The following CELF2 variants were observed in gnomAD, a reference collection of about 807,000 sequenced individuals.
CELF2 encodes CUGBP Elav-like family member 2.
CELF2 carries 8 observed loss-of-function variants against 62.6 expected under a neutral mutation model. That is an observed-to-expected ratio of 0.13 (90% confidence interval 0.07 to 0.23). The LOEUF (loss-of-function observed/expected upper bound fraction) is 0.23, where lower values mean the gene tolerates loss of function less well. Ranked by LOEUF, CELF2 falls within the 10% of genes least tolerant of loss-of-function variation. CELF2 has a pLI of 1.00. For synonymous variants in CELF2, 258 were observed against 250.0 expected (o/e 1.03, Z -0.30); for missense variants, 333 against 671.0 (o/e 0.50, Z 5.56).
chr10:11,321,418 C>T lies in CELF2; in HGVS notation c.1294+32C>T, dbSNP rs764474018. ...GCCGCCCTTGGCCCCAGGCAGGGCC[C>T]AGCCCAACAGGCAGCACTGGCCTCT... is the stretch of plus-strand genomic sequence containing the variant. On this transcript the variant is annotated intron_variant, in intron 11 of 12. Transcript: ENST00000633077. This position sits in a 1 kb window ranked among gnomAD's most constrained non-coding sequence, Gnocchi z 6.2. The T allele has an allele frequency of 3.2e-6, 5 of 1,577,496 alleles. No homozygotes were observed. The East Asian group carries it at 9.0e-5, about 28-fold the overall frequency.
chr10:10,479,155 T>C, the CELF2 span, among the ~76,000 whole-genome samples: 4 of 152,044 alleles, frequency 2.6e-5, no homozygotes, highest in Non-Finnish European at 5.9e-5. Context: ...TTAGAGATGG[T>C]TCATCTAAAC....
At chr10:10,732,100 G>A in the CELF2 span, among the ~76,000 whole-genome samples, 2 of 152,070 alleles carry the variant, frequency 1.3e-5, no homozygotes, top group African/African-American at 4.8e-5. Context: ...AGCTTCCCCA[G>A]TCCCCAGCCA....
the CELF2 span, among the ~76,000 whole-genome samples, chr10:10,743,953 T>C: frequency 6.6e-6 from 1 of 152,210 alleles, no homozygotes; most frequent in African/African-American, 2.4e-5. Flanking sequence ...CTGGATATGG[T>C]ATATAAATGT....
At chr10:11,292,621 C>T (rs1306206964) in intron 9 of CELF2, among the ~76,000 whole-genome samples, 1 of 152,206 alleles carries the variant, frequency 6.6e-6, no homozygotes, top group East Asian at 1.9e-4. Flanking sequence ...ATGCACGAGG[C>T]AGTATCACCA....
chr10:11,322,416 ATCACTGG>A (rs1467500791), intron 11 of CELF2, among the ~76,000 whole-genome samples: 1 of 152,240 alleles, frequency 6.6e-6, no homozygotes, highest in Admixed American at 6.5e-5. Context: ...CCAAATAAGG[ATCACTGG>A]TCATTCTTCC....
chr10:11,120,861 A>C (rs904767699), intron 1 of CELF2, among the ~76,000 whole-genome samples: 2 of 152,034 alleles, frequency 1.3e-5, no homozygotes, highest in African/African-American at 4.8e-5. Context: ...GGCTCTTACA[A>C]ATACTTTGTG....
chr10:10,708,298 A>G, the CELF2 span, among the ~76,000 whole-genome samples: 3 of 152,334 alleles, frequency 2.0e-5, no homozygotes, highest in Admixed American at 1.3e-4. Flanking sequence ...CTGGCTTTAC[A>G]GAAGAGGAAA....
Position 11,311,200 on chromosome 10 carries a change from C to T in CELF2, c.977-2939C>T, listed in dbSNP as rs1289660940. On this transcript the variant is annotated intron_variant, in intron 9 of 12. Transcript: ENST00000633077. This position sits in a 1 kb window ranked among gnomAD's most constrained non-coding sequence, Gnocchi z 4.7. Reference sequence around the variant, plus strand: ...CTCAAAACATAGTGCTGGGTAGGGCCAGGGGAATTTCCCTCTGAGAATTCA... The same window carrying T: ...CTCAAAACATAGTGCTGGGTAGGGCTAGGGGAATTTCCCTCTGAGAATTCA... 6.6e-6 allele frequency among the ~76,000 whole-genome samples: 1 copy of T among 152,156 alleles called. No homozygotes were observed. Among genetic ancestry groups the T allele is most frequent in the Non-Finnish European group, 1.5e-5 (1 of 68,038 alleles).
intron 2 of CELF2, among the ~76,000 whole-genome samples, chr10:10,939,756 C>T (rs1325230395): frequency 6.6e-6 from 1 of 151,872 alleles, no homozygotes; most frequent in East Asian, 2.0e-4. Flanking sequence ...AGATCGAGAC[C>T]ATCCTGGCTA....
chr10:11,170,920 T>C lies in CELF2; in HGVS notation c.271+5238T>C, dbSNP rs567593793. Among the ~76,000 whole-genome samples, 29 of 152,288 alleles carry C rather than the reference T, an allele frequency of 1.9e-4. No individual in the cohort carries two copies. In the South Asian group the frequency reaches 6.0e-3, roughly 32 times the overall value. On this transcript the variant is annotated intron_variant, in intron 2 of 12. Transcript: ENST00000633077. ...TCTAAACTTAAATGGTTAGGTACTG[T>C]CATTCTGATTTTATGGAAGTGAAAA... is the stretch of plus-strand genomic sequence containing the variant.
At chr10:10,491,297 G>A in the CELF2 span, among the ~76,000 whole-genome samples, 1 of 152,296 alleles carries the variant, frequency 6.6e-6, no homozygotes, top group South Asian at 2.1e-4. Flanking sequence ...AATAGATGCA[G>A]AATTGTCTTG....
At chr10:11,074,891 A>G (rs2071387118) in intron 1 of CELF2, 1 of 152,206 alleles carries the variant, frequency 6.6e-6, no homozygotes, top group African/African-American at 2.4e-5. Context: ...TATCTAAAGC[A>G]AATGAATTTG....
At chr10:10,759,290 A>ATTTTTCTTTTTT in the CELF2 span, among the ~76,000 whole-genome samples, 3 of 108,402 alleles carry the variant, frequency 2.8e-5, no homozygotes, top group African/African-American at 3.3e-5. Flanking sequence ...CTCAGTGCCC[A>ATTTTTCTTTTTT]TTTTTCTTTT....
At chr10:11,004,816 C>CA (rs1454871797), upstream of CELF2, among the ~76,000 whole-genome samples, 1 of 152,102 alleles carries the variant, frequency 6.6e-6, no homozygotes, top group Non-Finnish European at 1.5e-5. This position sits in a 1 kb window ranked among gnomAD's most constrained non-coding sequence, Gnocchi z 5.0. Flanking sequence ...TTCCTGAGGA[C>CA]AAGACAAGAG....
chr10:10,479,405 G>C, the CELF2 span, among the ~76,000 whole-genome samples: 1 of 152,134 alleles, frequency 6.6e-6, no homozygotes, highest in East Asian at 1.9e-4. Context: ...CTGACCTCGT[G>C]ATCCACCTAC....
chr10:11,163,628 T>G (rs1331068961), intron 1 of CELF2, among the ~76,000 whole-genome samples: 3 of 152,238 alleles, frequency 2.0e-5, no homozygotes, highest in Non-Finnish European at 2.9e-5. Flanking sequence ...AGCAGAACAT[T>G]TTTTATAACA....
rs536622761 is a variant in CELF2 at position 11,038,646 on chromosome 10, A to G, written c.74+20483A>G. Among the ~76,000 whole-genome samples the G allele has an allele frequency of 9.2e-5, 14 of 152,344 alleles. No homozygotes were observed. In the East Asian group the frequency reaches 1.9e-3, roughly 21 times the overall value. ...AATGAATTCTAGAAGGAAAATTTGA[A>G]TATCCATTTCAGCACTGATTTCATA... On this transcript the variant is annotated intron_variant, in intron 1 of 12. Transcript: ENST00000633077.
At chr10:11,134,295 G>A (rs145300543) in intron 1 of CELF2, among the ~76,000 whole-genome samples, 49 of 152,312 alleles carry the variant, frequency 3.2e-4, no homozygotes, top group Admixed American at 2.7e-3. Context: ...TGAATCTAAC[G>A]TTACTACTTA....
chr10:11,031,411 A>G (rs2060094133), intron 1 of CELF2, among the ~76,000 whole-genome samples: 1 of 152,194 alleles, frequency 6.6e-6, no homozygotes, highest in South Asian at 2.1e-4. Flanking sequence ...CAAGTGCATA[A>G]ACATTTGATG....
Sources: gnomAD v4.1 joint callset for allele counts (sites outside exome capture counted in the v4.1 genomes callset) on GRCh38, gnomAD v4.1.1 for gene constraint, Gnocchi (gnomAD v3.1) non-coding constraint, MANE v1.5 for transcripts, NCBI Gene and HGNC (gene_info 2026-07-23, HGNC 2026-07-21) for gene names.